RASGRP1: variants seen among roughly 807,000 people sequenced by gnomAD.
RASGRP1 encodes the protein RAS guanyl-releasing protein 1.
RASGRP1 carries 37 observed loss-of-function variants against 95.1 expected under a neutral mutation model. That is an observed-to-expected ratio of 0.39 (90% CI 0.30 to 0.51). The LOEUF is 0.51. RASGRP1 is among the 20% of genes least tolerant of loss of function. The pLI is 0.80. For missense variants in RASGRP1, 711 were observed against 965.4 expected (o/e 0.74, Z 3.49); for synonymous variants, 325 against 353.4 (o/e 0.92, Z 0.90).
intron 6 of RASGRP1, 139 bp downstream of exon 6, chr15:38,516,058 A>G (rs1272589096): frequency 1.0e-6 from 1 of 979,754 alleles, no homozygotes; most frequent in African/African-American, 1.6e-5. Flanking sequence ...ATTTTTTCAG[A>G]CTCTATGATG....
At chr15:38,557,636 T>TAA (rs1893624462) in intron 2 of RASGRP1, among the ~76,000 whole-genome samples, 1 of 151,642 alleles carries the variant, frequency 6.6e-6, no homozygotes, top group African/African-American at 2.4e-5. Context: ...TGTGTATATA[T>TAA]ATATATATAT....
intron 5 of RASGRP1, 43 bp downstream of exon 5, chr15:38,518,243 TACAGGA>T (rs746902837): frequency 1.3e-6 from 2 of 1,580,166 alleles, no homozygotes; most frequent in Non-Finnish European, 1.7e-6. Flanking sequence ...GGGATTATAT[TACAGGA>T]GGGAGGTGGT....
At chr15:38,542,959 A>G (rs1343170974) in intron 2 of RASGRP1, among the ~76,000 whole-genome samples, 1 of 147,754 alleles carries the variant, frequency 6.8e-6, no homozygotes, top group South Asian at 2.1e-4. Context: ...ATACACACAT[A>G]CATATATATA....
intron 10 of RASGRP1, chr15:38,503,588 C>A: frequency 1.8e-6 from 1 of 562,532 alleles, no homozygotes; most frequent in Non-Finnish European, 3.1e-6. Context: ...GTGCTCTTCA[C>A]ATACATTATC....
chr15:38,507,714 T>C lies in RASGRP1; in HGVS notation c.1242+12A>G, dbSNP rs1891318375. 1.2e-5 allele frequency: 18 copies of C among 1,554,024 alleles called. No homozygotes were observed. The highest frequency in any genetic ancestry group is 1.6e-5 in the Non-Finnish European group (18 of 1,148,134). ...AAAGTGCTTAGTAATTGTCCTCCAG[T>C]GTGAGCCTCACCGTCAGCAAGTGTA... On this transcript the variant is annotated intron_variant, in intron 9 of 16. Transcript: ENST00000310803.
Position 38,518,300 on chromosome 15 carries a change from T to G in RASGRP1, c.513A>C (p.Thr171=). 6.2e-7 allele frequency: 1 copy of G among 1,609,966 alleles called. No individual in the cohort carries two copies. The highest frequency in any genetic ancestry group is 8.5e-7 in the Non-Finnish European group (1 of 1,178,152). The change falls in exon 5 of 17, where the codon ACA becomes ACC. Residue 171 remains threonine, a synonymous_variant. Transcript: ENST00000310803. ...AAGACCTTGACACTCACATTTGAGT[T>G]GTGTCAATCAGGCGGCAATGTAACT... is the stretch of plus-strand genomic sequence containing the variant. ...GEELHCRLID[T]TQINARDWSR...
At chr15:38,503,771 G>T in intron 10 of RASGRP1, 2 of 210,152 alleles carry the variant, frequency 9.5e-6, no homozygotes, top group South Asian at 8.1e-5. Context: ...TAGCTAAAAG[G>T]CAGGAAGGCA....
At chr15:38,491,629 G>A (rs999836447) in intron 16 of RASGRP1, among the ~76,000 whole-genome samples, 4 of 152,040 alleles carry the variant, frequency 2.6e-5, no homozygotes, top group Non-Finnish European at 5.9e-5. Flanking sequence ...GTTATATATT[G>A]TAAATACTGA....
In RASGRP1 at chr15:38,516,060, T is replaced by A. The variant is rs1891768348; in HGVS notation, c.675+137A>T. On this transcript the variant is annotated intron_variant, in intron 6 of 16. Transcript: ENST00000310803. Reference sequence around the variant, plus strand: ...TCAGATGGTACTGATTTTTTCAGACTCTATGATGTCTGGCAGGAAAGCCTG... The same window carrying A: ...TCAGATGGTACTGATTTTTTCAGACACTATGATGTCTGGCAGGAAAGCCTG... The A allele has an allele frequency of 1.0e-5, 10 of 999,480 alleles. No homozygotes were observed. In the South Asian group the frequency reaches 1.2e-4, roughly 12 times the overall value. The allele number at this position is 999,480 out of a possible 1,614,324, so 61.9% of individuals were successfully genotyped here. A position where few individuals can be genotyped will look rare whatever the true frequency, so the allele number is the denominator to read the frequency against.
At position 38,564,620 on chromosome 15, in the gene RASGRP1, G is replaced by T. The variant is rs1293668732; in HGVS notation, c.9C>A (p.Thr3=). Residue 3 remains threonine, a synonymous_variant, in exon 1 of 17, where the codon ACC becomes ACA. Coordinates refer to ENST00000310803, the MANE Select transcript of RASGRP1 (RefSeq NM_005739.4). MG[T]LGKAREAPRK... ...GCGGAGCCTCTCTCGCCTTGCCCAGGGTGCCCATGGCCGCGGCCCGCGCTC... is the reference window on the plus strand; with the variant it reads ...GCGGAGCCTCTCTCGCCTTGCCCAGTGTGCCCATGGCCGCGGCCCGCGCTC... The T allele has an allele frequency of 5.8e-5, 79 of 1,366,878 alleles. No individual in the cohort carries two copies. Among genetic ancestry groups the T allele is most frequent in the Non-Finnish European group, 7.4e-5 (78 of 1,049,262 alleles). The allele number at this position is 1,366,878 out of a possible 1,614,324, so 84.7% of individuals were successfully genotyped here.
chr15:38,564,182 G>A (rs1428406037), intron 1 of RASGRP1, among the ~76,000 whole-genome samples: 2 of 152,224 alleles, frequency 1.3e-5, no homozygotes, highest in Non-Finnish European at 2.9e-5. Context: ...GCAGGGCCGG[G>A]AGGGGCCACC....
chr15:38,536,952 T>C (rs548089814), intron 2 of RASGRP1, among the ~76,000 whole-genome samples: 42 of 152,340 alleles, frequency 2.8e-4, no homozygotes, highest in African/African-American at 9.4e-4. Context: ...ATTAAATACA[T>C]AAAAATGCTT....
intron 4 of RASGRP1, 143 bp from the exon 5 acceptor site, chr15:38,518,566 T>C (rs939516131): frequency 2.3e-6 from 2 of 859,154 alleles, no homozygotes; most frequent in Non-Finnish European, 3.5e-6. Context: ...TTGAAGGAGC[T>C]GGGGTGGGAG....
At chr15:38,498,285 C>T (rs1373411002) in intron 15 of RASGRP1, among the ~76,000 whole-genome samples, 2 of 152,172 alleles carry the variant, frequency 1.3e-5, no homozygotes, top group East Asian at 1.9e-4. Context: ...GCCAAGCAGA[C>T]CAGTAGCTTT....
chr15:38,500,299 T>C (rs188838440), intron 13 of RASGRP1, among the ~76,000 whole-genome samples, 160 bp from the exon 14 acceptor site: 1 of 152,266 alleles, frequency 6.6e-6, no homozygotes, highest in Non-Finnish European at 1.5e-5. Flanking sequence ...CTTAAATCCA[T>C]GAGAAGAGTT....
intron 3 of RASGRP1, among the ~76,000 whole-genome samples, chr15:38,523,846 C>T (rs982451926): frequency 7.9e-5 from 12 of 152,138 alleles, no homozygotes; most frequent in Admixed American, 1.3e-4. Flanking sequence ...CAGGCTGTAC[C>T]GTCTAGCCTA....
At chr15:38,499,336 G>A (rs1890920117) in intron 14 of RASGRP1, among the ~76,000 whole-genome samples, 1 of 152,192 alleles carries the variant, frequency 6.6e-6, no homozygotes, top group Non-Finnish European at 1.5e-5. Context: ...TCACAAGGAA[G>A]GACAGTTATG....
chr15:38,559,976 G>A lies in RASGRP1; in HGVS notation c.65C>T (p.Ser22Phe), dbSNP rs2141200362. The A allele has an allele frequency of 3.1e-6, 5 of 1,613,260 alleles. No homozygotes were observed. Among genetic ancestry groups the A allele is most frequent in the Non-Finnish European group, 3.4e-6 (4 of 1,179,614 alleles). ...TGGCTTTGCCTCTAGTCTTGCTTTAGAGGCAGCTCTGCAGCCATGGGAAGG... is the reference window on the plus strand; with the variant it reads ...TGGCTTTGCCTCTAGTCTTGCTTTAAAGGCAGCTCTGCAGCCATGGGAAGG... ...RKPSHGCRAA[S>F]KARLEAKPAN... The change falls in exon 2 of 17, where the codon TCT becomes TTT. Residue 22 changes from serine (S) to phenylalanine (F), a missense_variant. Coordinates refer to ENST00000310803, the MANE Select transcript of RASGRP1 (RefSeq NM_005739.4).
intron 2 of RASGRP1, among the ~76,000 whole-genome samples, chr15:38,542,910 T>TATATGTGTATATATATACAC (rs1566933588): frequency 6.9e-6 from 1 of 145,508 alleles, no homozygotes; most frequent in East Asian, 2.0e-4. Flanking sequence ...TATATACACA[T>TATATGTGTATATATATACAC]ATATATGTGT....
Sources: gnomAD v4.1 joint callset for allele counts (sites outside exome capture counted in the v4.1 genomes callset) on GRCh38, gnomAD v4.1.1 for gene constraint, MANE v1.5 for transcripts, NCBI Gene and HGNC (gene_info 2026-07-23, HGNC 2026-07-21) for gene names.